SMAD1: variants seen among roughly 807,000 people sequenced by gnomAD.
SMAD1 encodes the protein SMAD family member 1, also known as MAD, mothers against decapentaplegic homolog 1.
In SMAD1, 6 loss-of-function variants were observed where a neutral mutation model predicts 41.6. The ratio of observed to expected loss-of-function variants is 0.14; its 90% CI spans 0.08 to 0.28. The LOEUF (loss-of-function observed/expected upper bound fraction) is 0.28, where lower values mean the gene tolerates loss of function less well. Ranked by LOEUF, SMAD1 falls within the 10% of genes least tolerant of loss-of-function variation. SMAD1 has a pLI of 1.00. For synonymous variants in SMAD1, 206 were observed against 203.2 expected, an observed-to-expected ratio of 1.01 and a Z score of -0.12; for missense variants, 379 against 582.6, an observed-to-expected ratio of 0.65 and a Z score of 3.60.
At chr4:145,502,005 C>T (rs537730259) in intron 1 of SMAD1, among the ~76,000 whole-genome samples, 30 of 152,146 alleles carry the variant, frequency 2.0e-4, no homozygotes, top group Non-Finnish European at 3.5e-4. Flanking sequence ...TAGCCACTTA[C>T]GGAAATCTAC....
intron 2 of SMAD1, among the ~76,000 whole-genome samples, chr4:145,520,157 G>A (rs746096406): frequency 3.9e-5 from 6 of 152,142 alleles, no homozygotes; most frequent in Non-Finnish European, 8.8e-5. Flanking sequence ...ACAGTATGGA[G>A]GTTCCTCAAA....
intron 2 of SMAD1, among the ~76,000 whole-genome samples, chr4:145,538,150 GC>G (rs1731721255): frequency 6.6e-6 from 1 of 152,198 alleles, no homozygotes; most frequent in African/African-American, 2.4e-5. Flanking sequence ...AGTCACAGCA[GC>G]TAAAAGAAAA....
At position 145,491,130 on chromosome 4, in the gene SMAD1, A is replaced by T. The variant is rs111982122; in HGVS notation, c.-177+9092A>T. ...GATAGCATTTATTATGTGACCAAAC[A>T]TACTCAAAAACAAAACCTGAAAGAC... On this transcript the variant is annotated intron_variant, in intron 1 of 6. Transcript: ENST00000302085. Among the ~76,000 whole-genome samples the T allele has an allele frequency of 5.5e-3, 837 of 152,356 alleles. 13 individuals carry two copies. Among genetic ancestry groups the T allele is most frequent in the African/African-American group, 0.019 (804 of 41,588 alleles).
chr4:145,556,676 C>T (rs1017749301), intron 6 of SMAD1, among the ~76,000 whole-genome samples: 30 of 152,016 alleles, frequency 2.0e-4, no homozygotes, highest in Non-Finnish European at 1.8e-4. Context: ...CCAGGCTGAT[C>T]TCAAACTCCT....
chr4:145,486,308 G>A (rs565953244), intron 1 of SMAD1, among the ~76,000 whole-genome samples: 1 of 152,270 alleles, frequency 6.6e-6, no homozygotes, highest in East Asian at 1.9e-4. Flanking sequence ...CATAATTCTT[G>A]TCACTTTCCT....
intron 4 of SMAD1, chr4:145,545,729 A>G (rs919566874): frequency 5.3e-5 from 8 of 151,980 alleles, no homozygotes; most frequent in African/African-American, 1.2e-4. Flanking sequence ...TCCTCCTTTT[A>G]TTATTGTACA....
intron 2 of SMAD1, among the ~76,000 whole-genome samples, chr4:145,533,711 A>G (rs1181246141): frequency 6.6e-6 from 1 of 152,202 alleles, no homozygotes; most frequent in African/African-American, 2.4e-5. Context: ...TAATAATAAA[A>G]TTTGTTTTTA....
chr4:145,509,089 A>G (rs961704548), intron 1 of SMAD1, among the ~76,000 whole-genome samples: 2 of 152,222 alleles, frequency 1.3e-5, no homozygotes, highest in Non-Finnish European at 2.9e-5. Context: ...TGCACAGCAC[A>G]TGGGCCTCTT....
At position 145,500,128 on chromosome 4, in the gene SMAD1, T is replaced by C. The variant is rs78411773; in HGVS notation, c.-176-14310T>C. Among the ~76,000 whole-genome samples the C allele has an allele frequency of 5.9e-5, 9 of 152,302 alleles. No homozygotes were observed. In the East Asian group the frequency reaches 1.4e-3, roughly 23 times the overall value. ...ACGCTGGTTGAAATCTTTATCATCTTGTACCTTAACAATTGCCATAGCTTC... is the reference window on the plus strand; with the variant it reads ...ACGCTGGTTGAAATCTTTATCATCTCGTACCTTAACAATTGCCATAGCTTC... On this transcript the variant is annotated intron_variant, in intron 1 of 6. Coordinates refer to ENST00000302085, the MANE Select transcript of SMAD1 (RefSeq NM_005900.3).
At chr4:145,556,777 G>A (rs1044238697) in intron 6 of SMAD1, among the ~76,000 whole-genome samples, 5 of 152,072 alleles carry the variant, frequency 3.3e-5, no homozygotes, top group African/African-American at 7.2e-5. Flanking sequence ...AACAACTTCC[G>A]CCTCCTGGAT....
At chr4:145,507,845 A>G (rs1729873865) in intron 1 of SMAD1, among the ~76,000 whole-genome samples, 1 of 152,198 alleles carries the variant, frequency 6.6e-6, no homozygotes, top group African/African-American at 2.4e-5. Flanking sequence ...TTGTCTTGCC[A>G]AGGCCATAGT....
At chr4:145,487,223 A>T (rs1728522124) in intron 1 of SMAD1, among the ~76,000 whole-genome samples, 1 of 152,164 alleles carries the variant, frequency 6.6e-6, no homozygotes, top group African/African-American at 2.4e-5. Flanking sequence ...AAATATACGA[A>T]TCTCCTCTTG....
rs1402887565 is a variant in SMAD1, at chr4:145,557,793, C to G, written c.1257C>G (p.Gly419=). The G allele has an allele frequency of 6.2e-7, 1 of 1,604,686 alleles. No individual in the cohort carries two copies. The highest frequency in any genetic ancestry group is 1.7e-5 in the Admixed American group (1 of 59,476). The part of the protein sequence containing the change: ...MCTIRMSFVK[G]WGAEYHRQDV... Reference sequence around the variant, plus strand: ...GACCTCCAGTATGTTTTTCCTAGGGCTGGGGAGCAGAATACCACCGCCAGG... The same window carrying G: ...GACCTCCAGTATGTTTTTCCTAGGGGTGGGGAGCAGAATACCACCGCCAGG... The change falls in exon 7 of 7, where the codon GGC becomes GGG. Residue 419 remains glycine (G), a splice_region_variant and synonymous_variant. Coordinates refer to ENST00000302085, the MANE Select transcript of SMAD1 (RefSeq NM_005900.3).
intron 1 of SMAD1, among the ~76,000 whole-genome samples, chr4:145,499,122 G>A (rs1330169605): frequency 6.6e-6 from 1 of 151,936 alleles, no homozygotes; most frequent in Non-Finnish European, 1.5e-5. Context: ...TGCCCATATC[G>A]TTCACTCTAA....
intron 1 of SMAD1, among the ~76,000 whole-genome samples, chr4:145,504,440 A>G (rs1452157068): frequency 2.0e-5 from 3 of 152,154 alleles, no homozygotes; most frequent in African/African-American, 7.2e-5. Context: ...AAGGGTAGAT[A>G]TTTATCATTT....
rs971855551 is a variant in SMAD1 at position 145,504,032 on chromosome 4, C to T, written c.-176-10406C>T. The T allele has an allele frequency of 2.0e-5, 3 of 152,152 alleles. No homozygotes were observed. The South Asian group carries it at 6.2e-4, about 32-fold the overall frequency. The allele number at this position is 152,152 out of a possible 1,614,324, so 9.4% of individuals were successfully genotyped here. A position where few individuals can be genotyped will look rare whatever the true frequency, so the allele number is the denominator to read the frequency against. ...CTTTCTTAAATGTATATATGGCTCA[C>T]ATTTATTTCAGTGTTAATTTTAGAA... On this transcript the variant is annotated intron_variant, in intron 1 of 6. Coordinates refer to ENST00000302085, the MANE Select transcript of SMAD1 (RefSeq NM_005900.3).
intron 2 of SMAD1, chr4:145,516,888 A>G (rs1028429353): frequency 5.3e-5 from 8 of 152,178 alleles, no homozygotes; most frequent in Non-Finnish European, 8.8e-5. Flanking sequence ...TGAGGCCCCT[A>G]CAAGTTAAGT....
chr4:145,510,553 G>T (rs1730022459), intron 1 of SMAD1, among the ~76,000 whole-genome samples: 2 of 151,892 alleles, frequency 1.3e-5, no homozygotes, highest in Non-Finnish European at 2.9e-5. Flanking sequence ...TGTTTTTATT[G>T]ATTTAGTTAT....
chr4:145,484,229 AT>A (rs1453431686), intron 1 of SMAD1, among the ~76,000 whole-genome samples: 3 of 152,202 alleles, frequency 2.0e-5, no homozygotes, highest in Non-Finnish European at 4.4e-5. Context: ...TGTATAAAAG[AT>A]CTCATTTGTG....
Sources: gnomAD v4.1 joint callset for allele counts (sites outside exome capture counted in the v4.1 genomes callset) on GRCh38, gnomAD v4.1.1 for gene constraint, MANE v1.5 for transcripts, NCBI Gene and HGNC (gene_info 2026-07-23, HGNC 2026-07-21) for gene names.